Variants in NRXN1 observed in about 807,000 individuals in gnomAD.
NRXN1 encodes the protein neurexin 1, also known as neurexin-1.
Under a neutral mutation model 150.9 loss-of-function variants are expected in NRXN1, and 39 were observed. The ratio of observed to expected loss-of-function variants is 0.26; its 90% CI spans 0.20 to 0.34. The LOEUF (loss-of-function observed/expected upper bound fraction) is 0.34. NRXN1 is among the 10% of genes least tolerant of loss of function. The pLI, the probability that NRXN1 is intolerant of heterozygous loss-of-function variation, is 1.00. For synonymous variants in NRXN1, 924 were observed against 757.0 expected (o/e 1.22, Z -3.62); for missense variants, 1,815 against 1,949.9 (o/e 0.93, Z 1.30).
intron 21 of NRXN1, among the ~76,000 whole-genome samples, chr2:50,034,431 G>A (rs1236574939): frequency 6.6e-6 from 1 of 152,030 alleles, no homozygotes; most frequent in East Asian, 1.9e-4. Context: ...TTATAAGTGG[G>A]GGCTAAATAA....
intron 17 of NRXN1, among the ~76,000 whole-genome samples, chr2:50,461,746 GA>G (rs2088243677): frequency 6.6e-6 from 1 of 151,970 alleles, no homozygotes; most frequent in Non-Finnish European, 1.5e-5. Context: ...AATTTCAGAA[GA>G]GGGAAAAATA....
chr2:50,663,597 T>A (rs574746488), intron 5 of NRXN1, among the ~76,000 whole-genome samples: 1 of 152,018 alleles, frequency 6.6e-6, no homozygotes, highest in African/African-American at 2.4e-5. Flanking sequence ...GCTAATTCTG[T>A]TTGGGTTGGA....
chr2:50,415,352 AT>A (rs896002274), intron 17 of NRXN1, among the ~76,000 whole-genome samples: 6 of 152,128 alleles, frequency 3.9e-5, no homozygotes, highest in Admixed American at 2.6e-4. Flanking sequence ...TGTAAGGTGT[AT>A]TTTTTTATGG....
intron 18 of NRXN1, among the ~76,000 whole-genome samples, chr2:50,108,266 C>T (rs1326553422): frequency 6.6e-6 from 1 of 152,002 alleles, no homozygotes; most frequent in African/African-American, 2.4e-5. Flanking sequence ...AATCCATTGA[C>T]CAATGTATAT....
intron 17 of NRXN1, among the ~76,000 whole-genome samples, chr2:50,378,017 C>A (rs2080654901): frequency 6.6e-6 from 1 of 152,050 alleles, no homozygotes; most frequent in East Asian, 1.9e-4. Context: ...AGGCATCTGC[C>A]AAGAATCATG....
chr2:50,279,041 T>C (rs1019422187), intron 17 of NRXN1, among the ~76,000 whole-genome samples: 2 of 152,206 alleles, frequency 1.3e-5, no homozygotes, highest in African/African-American at 2.4e-5. Flanking sequence ...AGGCTTAAAA[T>C]AACATGGGTT....
chr2:50,163,164 G>A (rs867212456), intron 18 of NRXN1, among the ~76,000 whole-genome samples: 5 of 141,748 alleles, frequency 3.5e-5, no homozygotes, highest in Non-Finnish European at 7.7e-5. Flanking sequence ...AATCCAAAAT[G>A]TATATATATA....
intron 5 of NRXN1, among the ~76,000 whole-genome samples, chr2:50,787,997 A>G (rs1027267204): frequency 3.9e-5 from 6 of 152,048 alleles, no homozygotes; most frequent in African/African-American, 1.4e-4. Context: ...GCAGAGATAA[A>G]TATCCCAAAA....
chr2:50,312,476 T>C (rs2075263158), intron 17 of NRXN1, among the ~76,000 whole-genome samples: 2 of 151,982 alleles, frequency 1.3e-5, no homozygotes, highest in African/African-American at 4.8e-5. Context: ...CACATGTTCA[T>C]AGAACCATGA....
At chr2:50,300,404 C>A (rs1014234488) in intron 17 of NRXN1, among the ~76,000 whole-genome samples, 1 of 152,248 alleles carries the variant, frequency 6.6e-6, no homozygotes, top group Non-Finnish European at 1.5e-5. Context: ...ACAAAGCCAC[C>A]AACTCCAGTG....
chr2:50,753,816 A>T (rs1700876026), intron 5 of NRXN1, among the ~76,000 whole-genome samples: 1 of 151,852 alleles, frequency 6.6e-6, no homozygotes, highest in African/African-American at 2.4e-5. Flanking sequence ...CCTAAGTGAG[A>T]GAATTTTTTA....
At chr2:50,650,706 GC>G (rs1685491080) in intron 5 of NRXN1, among the ~76,000 whole-genome samples, 1 of 152,030 alleles carries the variant, frequency 6.6e-6, no homozygotes, top group African/African-American at 2.4e-5. Context: ...TAGAATACTT[GC>G]TAATACAAGC....
chr2:50,259,709 TC>T (rs1302470269), intron 17 of NRXN1, among the ~76,000 whole-genome samples: 2 of 151,912 alleles, frequency 1.3e-5, no homozygotes, highest in African/African-American at 4.8e-5. Flanking sequence ...ATTGGCTTTA[TC>T]TGAATATTTG....
At chr2:50,018,860 ATAGGCACAGAAAAATCCTCTT>A (rs1180519433) in intron 21 of NRXN1, among the ~76,000 whole-genome samples, 2 of 152,242 alleles carry the variant, frequency 1.3e-5, no homozygotes, top group East Asian at 3.8e-4. Flanking sequence ...AACAAGAGAA[ATAGGCACAGAAAAATCCTCTT>A]TCATATCGAT....
intron 12 of NRXN1, among the ~76,000 whole-genome samples, chr2:50,521,575 C>T (rs899108462): frequency 1.3e-5 from 2 of 152,158 alleles, no homozygotes; most frequent in Non-Finnish European, 2.9e-5. Flanking sequence ...GCACACAAAA[C>T]ATTTCAATCT....
chr2:50,335,883 C>T (rs1327609884), intron 17 of NRXN1, among the ~76,000 whole-genome samples: 3 of 125,126 alleles, frequency 2.4e-5, no homozygotes, highest in Admixed American at 7.9e-5. Context: ...TAACCTCAGT[C>T]CTTTCTGTTT....
At chr2:50,142,317 T>C (rs1707386600) in intron 18 of NRXN1, among the ~76,000 whole-genome samples, 1 of 151,562 alleles carries the variant, frequency 6.6e-6, no homozygotes, top group Non-Finnish European at 1.5e-5. Flanking sequence ...TGTTCATGTG[T>C]AGAAAGGGGG....
intron 12 of NRXN1, among the ~76,000 whole-genome samples, chr2:50,512,260 G>C (rs1363184114): frequency 6.6e-6 from 1 of 152,148 alleles, no homozygotes; most frequent in Non-Finnish European, 1.5e-5. Context: ...ACAGTAGGCA[G>C]AGAGCAGACC....
chr2:50,235,936 T>C (rs924201127), intron 18 of NRXN1, among the ~76,000 whole-genome samples: 2 of 152,098 alleles, frequency 1.3e-5, no homozygotes, highest in African/African-American at 4.8e-5. Flanking sequence ...ATTTTTTGGA[T>C]ATATCAATAA....
Sources: gnomAD v4.1 joint callset for allele counts (sites outside exome capture counted in the v4.1 genomes callset) on GRCh38, gnomAD v4.1.1 for gene constraint, MANE v1.5 for transcripts, NCBI Gene and HGNC (gene_info 2026-07-23, HGNC 2026-07-21) for gene names.